Variants in TLCD4 observed in about 807,000 individuals in gnomAD.
TLCD4 encodes the protein TLC domain-containing protein 4.
In TLCD4, 7 loss-of-function variants were observed where a neutral mutation model predicts 24.2. The ratio of observed to expected loss-of-function variants is 0.29; its 90% CI spans 0.16 to 0.54. The LOEUF (loss-of-function observed/expected upper bound fraction) is 0.54. TLCD4 is among the 20% of genes least tolerant of loss of function. The pLI is 0.95. For synonymous variants in TLCD4, 103 were observed against 106.4 expected, an observed-to-expected ratio of 0.97 and a Z score of 0.20; for missense variants, 259 against 313.9, an observed-to-expected ratio of 0.82 and a Z score of 1.32.
intron 6 of TLCD4, among the ~76,000 whole-genome samples, chr1:95,176,231 G>A (rs1366189881): frequency 2.8e-5 from 4 of 142,420 alleles, no homozygotes; most frequent in Admixed American, 7.1e-5. Flanking sequence ...TTGCTCCGTC[G>A]CCCAGTCTGG....
chr1:95,191,449 G>C, intron 6 of TLCD4, 101 bp from the exon 7 acceptor site: 1 of 1,417,876 alleles, frequency 7.1e-7, no homozygotes, highest in Non-Finnish European at 9.4e-7. Context: ...TAGGCCCTTT[G>C]CTCCTCCTTC....
chr1:95,132,357 T>C (rs1421450020), intron 1 of TLCD4, among the ~76,000 whole-genome samples: 2 of 149,824 alleles, frequency 1.3e-5, no homozygotes, highest in Non-Finnish European at 2.9e-5. Flanking sequence ...TGCTGGAGGC[T>C]GAGGCACGAG....
At chr1:95,166,400 A>G (rs1435023473) in intron 5 of TLCD4, among the ~76,000 whole-genome samples, 1 of 152,186 alleles carries the variant, frequency 6.6e-6, no homozygotes, top group East Asian at 1.9e-4. Context: ...AGGATCAATA[A>G]AACAGTTTAG....
chr1:95,172,086 G>A (rs2100988345), intron 5 of TLCD4, among the ~76,000 whole-genome samples: 1 of 152,324 alleles, frequency 6.6e-6, no homozygotes, highest in Non-Finnish European at 1.5e-5. Context: ...GTTGCCTGCA[G>A]AGAGCTCATG....
chr1:95,183,473 G>C (rs1678718145), intron 6 of TLCD4, among the ~76,000 whole-genome samples: 1 of 152,150 alleles, frequency 6.6e-6, no homozygotes, highest in Admixed American at 6.5e-5. Flanking sequence ...GGAATGTTGG[G>C]ATGATCAGAA....
intron 4 of TLCD4, 59 bp from the exon 5 acceptor site, chr1:95,151,266 T>C (rs1426720508): frequency 1.3e-6 from 2 of 1,566,886 alleles, no homozygotes; most frequent in African/African-American, 2.7e-5. Context: ...TTCAATACAT[T>C]TGAAAAACAG....
chr1:95,109,282 C>A, the TLCD4 span, among the ~76,000 whole-genome samples: 3 of 151,992 alleles, frequency 2.0e-5, no homozygotes, highest in Non-Finnish European at 2.9e-5. Flanking sequence ...AGGGAGATCT[C>A]ATTTGAGCCA....
At chr1:95,107,020 T>C in the TLCD4 span, among the ~76,000 whole-genome samples, 1 of 152,242 alleles carries the variant, frequency 6.6e-6, no homozygotes, top group Non-Finnish European at 1.5e-5. Flanking sequence ...CTGCTTATAG[T>C]AACACCATTG....
At chr1:95,161,075 A>G (rs1407593138) in intron 5 of TLCD4, among the ~76,000 whole-genome samples, 1 of 152,208 alleles carries the variant, frequency 6.6e-6, no homozygotes, top group Non-Finnish European at 1.5e-5. Context: ...TTCAGAAGGA[A>G]TGGTACCAGC....
Position 95,161,014 on chromosome 1 carries a change from T to C in TLCD4, c.399+9595T>C, listed in dbSNP as rs181445184. Among the ~76,000 whole-genome samples, 4 of 152,336 alleles carry C rather than the reference T, an allele frequency of 2.6e-5. No individual in the cohort carries two copies. The East Asian group carries it at 7.7e-4, about 29-fold the overall frequency. On this transcript the variant is annotated intron_variant, in intron 5 of 6. Transcript: ENST00000370203. ...CTTTGGTATCAGGATGATGCTGGCCTCATAAAATAAGTTAGAGAGGATTCC... is the reference window on the plus strand; with the variant it reads ...CTTTGGTATCAGGATGATGCTGGCCCCATAAAATAAGTTAGAGAGGATTCC...
intron 5 of TLCD4, among the ~76,000 whole-genome samples, chr1:95,154,707 A>C (rs920422559): frequency 1.3e-5 from 2 of 152,058 alleles, no homozygotes; most frequent in African/African-American, 4.8e-5. Context: ...TCTCTGTCTT[A>C]TAAGCAAATA....
intron 1 of TLCD4, among the ~76,000 whole-genome samples, chr1:95,126,821 G>A (rs942294647): frequency 4.6e-5 from 7 of 152,184 alleles, no homozygotes; most frequent in African/African-American, 1.7e-4. Context: ...GTCCTACCTA[G>A]GCTCTAGAAC....
intron 5 of TLCD4, among the ~76,000 whole-genome samples, chr1:95,157,987 T>C (rs1322618498): frequency 6.6e-6 from 1 of 152,186 alleles, no homozygotes; most frequent in East Asian, 1.9e-4. Context: ...ACTATCCGTA[T>C]CTTGATTTGT....
intron 5 of TLCD4, among the ~76,000 whole-genome samples, chr1:95,152,969 A>G (rs1677534330): frequency 6.6e-6 from 1 of 152,084 alleles, no homozygotes; most frequent in Non-Finnish European, 1.5e-5. Flanking sequence ...CAATTAAACC[A>G]TGCCTTTAGA....
At chr1:95,114,607 A>G (rs1360737365), upstream of TLCD4, among the ~76,000 whole-genome samples, 1 of 152,154 alleles carries the variant, frequency 6.6e-6, no homozygotes, top group Non-Finnish European at 1.5e-5. Flanking sequence ...AGGTGGGTGG[A>G]TCACTTGAGG....
chr1:95,153,801 G>C (rs1232605993), intron 5 of TLCD4, among the ~76,000 whole-genome samples: 4 of 152,098 alleles, frequency 2.6e-5, no homozygotes. Flanking sequence ...GCCTAGAAAA[G>C]CTAAGAACTA....
chr1:95,173,715 ATTGT>A (rs955804482), intron 5 of TLCD4, 97 bp from the exon 6 acceptor site: 9 of 1,482,360 alleles, frequency 6.1e-6, no homozygotes, highest in Non-Finnish European at 8.3e-6. Flanking sequence ...TTTGGTATTG[ATTGT>A]TATATTATGC....
upstream of TLCD4, among the ~76,000 whole-genome samples, chr1:95,114,842 G>C (rs1467761308): frequency 2.0e-5 from 3 of 151,438 alleles, no homozygotes; most frequent in African/African-American, 7.3e-5. Context: ...AAAAAAAAAA[G>C]AGTTTTTGTA....
intron 6 of TLCD4, among the ~76,000 whole-genome samples, chr1:95,175,521 C>A (rs919052095): frequency 3.9e-5 from 6 of 152,160 alleles, no homozygotes; most frequent in African/African-American, 1.4e-4. Context: ...ATTTTTGAGA[C>A]CCTGTTTCAA....
Sources: gnomAD v4.1 joint callset for allele counts (sites outside exome capture counted in the v4.1 genomes callset) on GRCh38, gnomAD v4.1.1 for gene constraint, MANE v1.5 for transcripts, NCBI Gene and HGNC (gene_info 2026-07-23, HGNC 2026-07-21) for gene names.